The following PRDM10 variants were observed in gnomAD, a reference collection of about 807,000 sequenced individuals.
PRDM10 encodes PR domain zinc finger protein 10.
PRDM10 carries 65 observed loss-of-function variants against 133.1 expected under a neutral mutation model. The observed-to-expected ratio is 0.49, with a 90% CI of 0.40 to 0.60. The LOEUF (loss-of-function observed/expected upper bound fraction) is 0.60, where lower values mean the gene tolerates loss of function less well. Ranked by LOEUF, PRDM10 falls within the 20% of genes least tolerant of loss-of-function variation. The probability of loss-of-function intolerance (pLI) is 0.00; values close to 1 mark genes in which losing one functional copy is unlikely to be tolerated. For synonymous variants in PRDM10, 582 were observed against 580.4 expected, an observed-to-expected ratio of 1.00 and a Z score of -0.04; for missense variants, 1,137 against 1,507.1, an observed-to-expected ratio of 0.75 and a Z score of 4.07.
chr11:129,967,085 C>A (rs1951921662), intron 1 of PRDM10, among the ~76,000 whole-genome samples: 2 of 152,110 alleles, frequency 1.3e-5, no homozygotes, highest in Non-Finnish European at 2.9e-5. Flanking sequence ...AATTAAAATA[C>A]TAAATGACAG....
chr11:129,908,306 T>TA (rs948238660), intron 19 of PRDM10, among the ~76,000 whole-genome samples: 26 of 152,104 alleles, frequency 1.7e-4, no homozygotes, highest in Admixed American at 1.4e-3. Context: ...ATCTTAGCTC[T>TA]AAAAAAAAGT....
chr11:129,976,906 A>T (rs1440216185), intron 1 of PRDM10, among the ~76,000 whole-genome samples: 1 of 152,176 alleles, frequency 6.6e-6, no homozygotes, highest in Admixed American at 6.5e-5. Context: ...CTCAAATTTT[A>T]AAAGATTAAC....
intron 1 of PRDM10, among the ~76,000 whole-genome samples, chr11:129,973,037 CTCTT>C (rs1034664064): frequency 3.6e-4 from 54 of 152,064 alleles, no homozygotes; most frequent in African/African-American, 1.3e-3. Context: ...TTTGTATTTT[CTCTT>C]TCTTTCTTTT....
rs1950422433 is a variant in PRDM10 at position 129,918,400 on chromosome 11, CCT to C, written c.2214+137_2214+138del. 3 of 1,042,016 alleles carry C rather than the reference CCT, an allele frequency of 2.9e-6. No homozygotes were observed. The highest frequency in any genetic ancestry group is 3.4e-4 in the Middle Eastern group (1 of 2,934). 64.5% of individuals were successfully genotyped at this position (1,042,016 alleles called of 1,614,324 possible). ...AGAACTCCAAATTGGGAATCGTTTG[CCT>C]CTGTTTCTTCCCCTGGACATTGACA... On this transcript the variant is annotated intron_variant, in intron 14 of 20. Coordinates refer to ENST00000360871, the MANE Select transcript of PRDM10 (RefSeq NM_199437.2). The surrounding 1 kb of genome is among the most constrained non-coding windows in gnomAD (Gnocchi z 5.3).
At chr11:129,987,116 G>A (rs1031077297) in intron 1 of PRDM10, among the ~76,000 whole-genome samples, 2 of 152,074 alleles carry the variant, frequency 1.3e-5, no homozygotes, top group African/African-American at 2.4e-5. Flanking sequence ...TCCACTAATA[G>A]GGAAGGTTTG....
At chr11:129,943,830 T>C (rs1008045226) in intron 6 of PRDM10, among the ~76,000 whole-genome samples, 1 of 151,790 alleles carries the variant, frequency 6.6e-6, no homozygotes. Flanking sequence ...TCCTCTCTAC[T>C]AAAAACACAA....
At chr11:129,943,629 G>A (rs1210906159) in intron 6 of PRDM10, among the ~76,000 whole-genome samples, 2 of 152,138 alleles carry the variant, frequency 1.3e-5, no homozygotes, top group African/African-American at 4.8e-5. Flanking sequence ...AGAGCCCAAG[G>A]CAGGAAGATC....
chr11:129,982,052 G>C (rs980522497), intron 1 of PRDM10, among the ~76,000 whole-genome samples: 2 of 151,828 alleles, frequency 1.3e-5, no homozygotes, highest in African/African-American at 4.8e-5. Flanking sequence ...GAGCTTGGGA[G>C]TTCAAAACCA....
intron 1 of PRDM10, among the ~76,000 whole-genome samples, chr11:129,983,457 G>C (rs1938234437): frequency 6.6e-6 from 1 of 151,978 alleles, no homozygotes; most frequent in Non-Finnish European, 1.5e-5. Context: ...ACCGCGCCCA[G>C]CTAATTTTGT....
chr11:129,962,426 C>T (rs1435136441), intron 1 of PRDM10, among the ~76,000 whole-genome samples: 1 of 152,188 alleles, frequency 6.6e-6, no homozygotes, highest in Admixed American at 6.5e-5. Flanking sequence ...CCTGCTTTGC[C>T]TCAACATTAT....
Position 129,937,624 on chromosome 11 carries a change from T to A in PRDM10, c.1013A>T (p.His338Leu). 1.9e-6 allele frequency: 3 copies of A among 1,613,754 alleles called. No homozygotes were observed. Among genetic ancestry groups the A allele is most frequent in the Non-Finnish European group, 2.5e-6 (3 of 1,179,956 alleles). Residue 338 changes from histidine (H) to leucine (L), a missense_variant, in exon 8 of 21, where the codon CAT becomes CTT. His to Leu is a moderately conservative substitution (Grantham distance 99). Transcript: ENST00000360871. ...TTTCCTTTCTTCCTCAGAAATGTCA[T>A]GAATTTTCTGGTTCACGAACTCAGC... ...SYAEFVNQKI[H>L]DISEEERKVL...
At chr11:129,915,256 AC>A (rs1210927973) in intron 16 of PRDM10, among the ~76,000 whole-genome samples, 1 of 149,400 alleles carries the variant, frequency 6.7e-6, no homozygotes, top group Non-Finnish European at 1.5e-5. Context: ...AGGTCTCAAT[AC>A]CCCCCCCAAA....
intron 1 of PRDM10, among the ~76,000 whole-genome samples, chr11:129,989,556 G>A (rs1183587529): frequency 6.6e-6 from 1 of 152,066 alleles, no homozygotes; most frequent in Non-Finnish European, 1.5e-5. Context: ...TTTCAGGTGG[G>A]TCTTATGTGG....
chr11:129,924,621 T>G (rs1394559292), intron 12 of PRDM10, among the ~76,000 whole-genome samples: 3 of 152,212 alleles, frequency 2.0e-5, no homozygotes, highest in Non-Finnish European at 2.9e-5. Flanking sequence ...TATGAAAGAC[T>G]TTTTAAAAAT....
chr11:129,915,839 G>A lies in PRDM10; in HGVS notation c.2347C>T (p.Arg783Cys). ...TGGTTCTTCAGAATGTGGGCTTTGC[G>A]CTTGCTGGCACTTTTATAAACCTGC... ...CDKVYKSASK[R>C]KAHILKNHPG... The change falls in exon 16 of 21, where the codon CGC becomes TGC. Residue 783 changes from arginine (R) to cysteine (C), a missense_variant. Transcript: ENST00000360871. 1.9e-6 allele frequency: 3 copies of A among 1,614,030 alleles called. No individual in the cohort carries two copies. The highest frequency in any genetic ancestry group is 2.5e-6 in the Non-Finnish European group (3 of 1,179,980).
chr11:129,974,196 G>A (rs1469504949), intron 1 of PRDM10, among the ~76,000 whole-genome samples: 1 of 152,234 alleles, frequency 6.6e-6, no homozygotes, highest in East Asian at 1.9e-4. Context: ...GCTGAGAACA[G>A]AGGCTAGACT....
At chr11:129,961,733 A>C (rs1465105479) in intron 1 of PRDM10, among the ~76,000 whole-genome samples, 1 of 152,044 alleles carries the variant, frequency 6.6e-6, no homozygotes, top group Admixed American at 6.5e-5. Flanking sequence ...ATAATAATAT[A>C]ATGTATTGCA....
intron 18 of PRDM10, among the ~76,000 whole-genome samples, chr11:129,910,869 T>C (rs1043683736): frequency 6.6e-6 from 1 of 152,166 alleles, no homozygotes; most frequent in African/African-American, 2.4e-5. Context: ...CTCCGCCTCC[T>C]GAGTTCAAGT....
chr11:129,994,673 A>G (rs974294141), intron 1 of PRDM10, among the ~76,000 whole-genome samples: 1 of 151,834 alleles, frequency 6.6e-6, no homozygotes, highest in African/African-American at 2.4e-5. Flanking sequence ...TTTTTTTGAG[A>G]CAGAGCCTCG....
Sources: allele counts gnomAD v4.1 joint callset (sites outside exome capture counted in the v4.1 genomes callset), GRCh38; gene constraint gnomAD v4.1.1; non-coding constraint Gnocchi (gnomAD v3.1); transcripts MANE v1.5; gene names NCBI Gene and HGNC (gene_info 2026-07-23, HGNC 2026-07-21).